AFF1: variants seen among roughly 807,000 people sequenced by gnomAD.
AFF1 encodes the protein ALF transcription elongation factor 1.
In AFF1, 48 loss-of-function variants were observed where a neutral mutation model predicts 121.7. The observed-to-expected ratio is 0.39, with a 90% CI of 0.31 to 0.50. The LOEUF (loss-of-function observed/expected upper bound fraction) is 0.50, where lower values mean the gene tolerates loss of function less well. AFF1 is among the 20% of genes least tolerant of loss of function. The pLI is 0.76. For missense variants in AFF1, 1,523 were observed against 1,511.7 expected, an observed-to-expected ratio of 1.01 and a Z score of -0.12; for synonymous variants, 613 against 563.0, an observed-to-expected ratio of 1.09 and a Z score of -1.26.
In AFF1 at chr4:87,136,500, T is replaced by TACCCCTGCCATTTCCC. The variant is rs1301468070; in HGVS notation, c.*808_*823dup. 1.7e-5 allele frequency: 4 copies of TACCCCTGCCATTTCCC among 232,504 alleles called. No individual in the cohort carries two copies. Among genetic ancestry groups the TACCCCTGCCATTTCCC allele is most frequent in the Non-Finnish European group, 2.5e-5 (3 of 117,726 alleles). 14.4% of individuals were successfully genotyped at this position (232,504 alleles called of 1,614,324 possible). ...AGGAGGACTTGGCGCTGCCATTTCC[T>TACCCCTGCCATTTCCC]ACCCCTGCCATTTCCCACCCCTGCT... is the stretch of plus-strand genomic sequence containing the variant. On this transcript the variant is annotated 3_prime_UTR_variant, in exon 21 of 21. Transcript: ENST00000395146.
At chr4:87,045,265 A>C (rs573417549) in intron 2 of AFF1, among the ~76,000 whole-genome samples, 1 of 152,368 alleles carries the variant, frequency 6.6e-6, no homozygotes, top group East Asian at 1.9e-4. Context: ...TAGATTCCCT[A>C]GGAGCAAGTC....
intron 2 of AFF1, chr4:87,006,995 T>C: frequency 9.2e-7 from 1 of 1,083,472 alleles, no homozygotes; most frequent in Non-Finnish European, 1.1e-6. Flanking sequence ...AGAGGCAATT[T>C]CTTTTCCTTT....
At chr4:86,970,491 G>A (rs1247646332) in intron 2 of AFF1, among the ~76,000 whole-genome samples, 7 of 152,168 alleles carry the variant, frequency 4.6e-5, no homozygotes, top group African/African-American at 1.7e-4. Context: ...TATTTGGAGC[G>A]CTTGTTGCAT....
intron 5 of AFF1, among the ~76,000 whole-genome samples, chr4:87,089,047 G>A (rs982040142): frequency 6.6e-5 from 10 of 152,126 alleles, no homozygotes; most frequent in Non-Finnish European, 1.3e-4. Context: ...CCGGCCGCAT[G>A]TCGAGTATTA....
chr4:87,103,060 T>A (rs1725585790), intron 8 of AFF1, among the ~76,000 whole-genome samples: 1 of 152,180 alleles, frequency 6.6e-6, no homozygotes, highest in Non-Finnish European at 1.5e-5. Flanking sequence ...ATTTTCTGTT[T>A]AAAAAAAATT....
chr4:86,956,737 G>A (rs1721767534), intron 2 of AFF1, among the ~76,000 whole-genome samples: 1 of 152,176 alleles, frequency 6.6e-6, no homozygotes, highest in Admixed American at 6.5e-5. Context: ...CCATATTACA[G>A]CATGTATCAG....
At chr4:87,105,570 G>A in intron 8 of AFF1, 58 bp from the exon 9 acceptor site, 1 of 1,596,956 alleles carries the variant, frequency 6.3e-7, no homozygotes, top group East Asian at 2.2e-5. Context: ...TTACATGCTA[G>A]AAAAGTTGTT....
chr4:87,095,051 C>G, intron 8 of AFF1, 82 bp downstream of exon 8: 1 of 1,337,866 alleles, frequency 7.5e-7, no homozygotes, highest in East Asian at 2.4e-5. Context: ...TTAGATTTTT[C>G]TGCCTTTATG....
chr4:87,036,251 T>G (rs1178030910), intron 2 of AFF1, among the ~76,000 whole-genome samples: 1 of 152,246 alleles, frequency 6.6e-6, no homozygotes, highest in African/African-American at 2.4e-5. Context: ...ATCCCCTTGC[T>G]TGACTGCTGG....
intron 2 of AFF1, among the ~76,000 whole-genome samples, chr4:86,980,077 A>T (rs1723613039): frequency 6.6e-6 from 1 of 152,102 alleles, no homozygotes; most frequent in Non-Finnish European, 1.5e-5. Flanking sequence ...CACCCGGCTA[A>T]TTCTTGTGTT....
intron 2 of AFF1, among the ~76,000 whole-genome samples, chr4:86,986,188 C>A (rs992683495): frequency 6.6e-6 from 1 of 152,010 alleles, no homozygotes; most frequent in African/African-American, 2.4e-5. Flanking sequence ...TCTTGTGCCT[C>A]GACCTCCCGA....
intron 2 of AFF1, among the ~76,000 whole-genome samples, chr4:86,959,964 A>AT (rs1475484808): frequency 6.6e-6 from 1 of 152,182 alleles, no homozygotes; most frequent in Non-Finnish European, 1.5e-5. Flanking sequence ...TCGTTTGCAA[A>AT]TGAAAGGACT....
intron 4 of AFF1, among the ~76,000 whole-genome samples, chr4:87,078,499 T>C (rs1722882418): frequency 6.6e-6 from 1 of 152,142 alleles, no homozygotes; most frequent in East Asian, 1.9e-4. Context: ...TAACAGAGAA[T>C]GTACGGATAG....
intron 2 of AFF1, chr4:87,007,400 G>T (rs765233171): frequency 4.3e-6 from 7 of 1,614,126 alleles, no homozygotes; most frequent in Non-Finnish European, 5.9e-6. Flanking sequence ...GGCTCTATAA[G>T]CTGAATTATG....
chr4:87,061,456 A>C (rs1319114800), intron 4 of AFF1, among the ~76,000 whole-genome samples: 1 of 152,248 alleles, frequency 6.6e-6, no homozygotes, highest in Non-Finnish European at 1.5e-5. Context: ...CCCACTTGTG[A>C]GAGAAGGAAG....
intron 1 of AFF1, among the ~76,000 whole-genome samples, chr4:86,943,661 C>CA (rs1720629168): frequency 1.3e-5 from 2 of 151,812 alleles, no homozygotes; most frequent in African/African-American, 2.4e-5. Flanking sequence ...CCTGTCTCTA[C>CA]AAAAAATACA....
At chr4:87,125,273 A>G (rs1728122661) in intron 13 of AFF1, 130 bp downstream of exon 13, 2 of 554,332 alleles carry the variant, frequency 3.6e-6, no homozygotes, top group Non-Finnish European at 5.9e-6. Flanking sequence ...TGGACAATGT[A>G]ATAAGTTTGT....
At chr4:87,122,161 C>G (rs1323428828) in intron 12 of AFF1, among the ~76,000 whole-genome samples, 1 of 152,186 alleles carries the variant, frequency 6.6e-6, no homozygotes, top group Non-Finnish European at 1.5e-5. Flanking sequence ...CAAATTTTGA[C>G]TTTTCAAAGA....
chr4:87,090,629 T>C (rs1325517616), intron 6 of AFF1, among the ~76,000 whole-genome samples: 2 of 152,180 alleles, frequency 1.3e-5, no homozygotes, highest in East Asian at 1.9e-4. Flanking sequence ...CTGTGTTTTG[T>C]TCAATCTGAT....
Sources: gnomAD v4.1 joint callset for allele counts (sites outside exome capture counted in the v4.1 genomes callset) on GRCh38, gnomAD v4.1.1 for gene constraint, MANE v1.5 for transcripts, NCBI Gene and HGNC (gene_info 2026-07-23, HGNC 2026-07-21) for gene names.